B4GALT4: variants seen among roughly 807,000 people sequenced by gnomAD.
B4GALT4 encodes N-acetyllactosamine synthase.
In B4GALT4, 27 loss-of-function variants were observed where a neutral mutation model predicts 37.3. That is an observed-to-expected ratio of 0.72 (90% CI 0.53 to 1.00). B4GALT4 has a LOEUF of 1.00. Among genes scored for constraint, B4GALT4 ranks in the 50% least tolerant of loss-of-function variants. The pLI is 0.00. For synonymous variants in B4GALT4, 148 were observed against 154.1 expected (o/e 0.96, Z 0.29); for missense variants, 372 against 413.1 (o/e 0.90, Z 0.86).
At position 119,222,525 on chromosome 3, in the gene B4GALT4, T is replaced by G. The variant is rs76603032; in HGVS notation, c.674+1533A>C. 4.2e-3 allele frequency among the ~76,000 whole-genome samples: 638 copies of G among 152,196 alleles called. 6 individuals are homozygous for G. The highest frequency in any genetic ancestry group is 0.013 in the African/African-American group (553 of 41,512). On this transcript the variant is annotated intron_variant, in intron 5 of 7. Coordinates refer to ENST00000393765, the MANE Select transcript of B4GALT4 (RefSeq NM_003778.4). ...ATTCAAAATCAGCTGAACCAAGCTTTCTCCCATCCTTCCCCAGCTGTAACG... is the reference window on the plus strand; with the variant it reads ...ATTCAAAATCAGCTGAACCAAGCTTGCTCCCATCCTTCCCCAGCTGTAACG...
At chr3:119,224,429 G>A (rs1286277969) in intron 4 of B4GALT4, among the ~76,000 whole-genome samples, 184 bp from the exon 5 acceptor site, 4 of 152,094 alleles carry the variant, frequency 2.6e-5, no homozygotes, top group Admixed American at 1.3e-4. Context: ...TTTTTTCTTC[G>A]TGCTTCACAC....
intron 4 of B4GALT4, among the ~76,000 whole-genome samples, chr3:119,225,142 G>A (rs1002618622): frequency 1.3e-5 from 2 of 152,178 alleles, no homozygotes; most frequent in African/African-American, 4.8e-5. Flanking sequence ...TGCTACTGGT[G>A]GAGGCTAATC....
At chr3:119,233,336 G>C (rs1335835516) in intron 2 of B4GALT4, among the ~76,000 whole-genome samples, 4 of 152,172 alleles carry the variant, frequency 2.6e-5, no homozygotes, top group African/African-American at 9.7e-5. Flanking sequence ...GCTCAGTTTG[G>C]TTAAGAATCT....
chr3:119,237,963 A>G (rs1377198857), intron 1 of B4GALT4, among the ~76,000 whole-genome samples: 3 of 152,240 alleles, frequency 2.0e-5, no homozygotes, highest in African/African-American at 4.8e-5. Context: ...AAAAAAAGAT[A>G]TAACAATGTA....
At chr3:119,227,104 C>G (rs532480541) in intron 3 of B4GALT4, 63 bp from the exon 4 acceptor site, 14 of 1,427,796 alleles carry the variant, frequency 9.8e-6, no homozygotes, top group African/African-American at 1.4e-5. Context: ...GAGGTTTACA[C>G]GAGCTAATAT....
chr3:119,228,499 G>A lies in B4GALT4; in HGVS notation c.253+1348C>T, dbSNP rs142853094. 2.7e-3 allele frequency among the ~76,000 whole-genome samples: 418 copies of A among 152,270 alleles called. 1 individual carries two copies. Among genetic ancestry groups the A allele is most frequent in the African/African-American group, 9.8e-3 (407 of 41,562 alleles). On this transcript the variant is annotated intron_variant, in intron 3 of 7. Transcript: ENST00000393765. ...TGAATTTACTGTTTAAATATACTGT[G>A]AGCATTTTAAGCAAGGGGAATAATC...
At chr3:119,228,868 C>G (rs1247718414) in intron 3 of B4GALT4, among the ~76,000 whole-genome samples, 2 of 147,330 alleles carry the variant, frequency 1.4e-5, no homozygotes, top group African/African-American at 5.1e-5. Context: ...CTCTGTCTTT[C>G]TCTCTCCCTC....
Position 119,212,455 on chromosome 3 carries a change from A to T in B4GALT4, c.*94T>A. ...ATTCAGCTCAACAATGAGCTGTAAC[A>T]GGTTCTTAATGTGTGCTACTATTTG... On this transcript the variant is annotated 3_prime_UTR_variant, in exon 8 of 8. Transcript: ENST00000393765. 1 of 1,278,682 alleles carries T rather than the reference A, an allele frequency of 7.8e-7. No homozygotes were observed. The highest frequency in any genetic ancestry group is 1.1e-6 in the Non-Finnish European group (1 of 922,510). The allele number at this position is 1,278,682 out of a possible 1,614,324, so 79.2% of individuals were successfully genotyped here.
chr3:119,222,615 G>A (rs2078483266), intron 5 of B4GALT4, among the ~76,000 whole-genome samples: 1 of 152,318 alleles, frequency 6.6e-6, no homozygotes, highest in Non-Finnish European at 1.5e-5. Context: ...AAGAAGGCCT[G>A]CGTAATCTGG....
intron 2 of B4GALT4, chr3:119,236,016 G>C (rs895248830): frequency 3.3e-5 from 5 of 152,138 alleles, no homozygotes; most frequent in African/African-American, 1.2e-4. Context: ...TTGCAGACAA[G>C]GTTCACCAGT....
chr3:119,221,733 ATTCTT>A (rs1282162850), intron 5 of B4GALT4, among the ~76,000 whole-genome samples: 1 of 152,220 alleles, frequency 6.6e-6, no homozygotes, highest in Non-Finnish European at 1.5e-5. Flanking sequence ...TGCAAATAAG[ATTCTT>A]TTCAATTTCT....
intron 1 of B4GALT4, among the ~76,000 whole-genome samples, chr3:119,237,674 A>G (rs893037901): frequency 1.3e-5 from 2 of 152,244 alleles, no homozygotes; most frequent in Non-Finnish European, 2.9e-5. Flanking sequence ...CCCTCTGGTA[A>G]GGAAAAGCAG....
At chr3:119,223,045 T>C (rs4370022) in intron 5 of B4GALT4, among the ~76,000 whole-genome samples, 9,591 of 152,192 alleles carry the variant, frequency 0.063, 446 homozygotes, top group African/African-American at 0.13. Context: ...TCACGTAGAG[T>C]ACATACTGGT....
chr3:119,220,725 G>A (rs1340828023), intron 5 of B4GALT4, among the ~76,000 whole-genome samples: 1 of 152,294 alleles, frequency 6.6e-6, no homozygotes, highest in Admixed American at 6.5e-5. Flanking sequence ...GTCTCTCCAC[G>A]CCTGTAATCC....
intron 2 of B4GALT4, among the ~76,000 whole-genome samples, chr3:119,236,414 A>G (rs549804546): frequency 6.6e-6 from 1 of 152,190 alleles, no homozygotes; most frequent in Non-Finnish European, 1.5e-5. Flanking sequence ...TAAGGGGTTA[A>G]TATTAGGGGA....
chr3:119,214,946 C>T (rs1208679873), intron 7 of B4GALT4: 1 of 152,168 alleles, frequency 6.6e-6, no homozygotes, highest in Non-Finnish European at 1.5e-5. Flanking sequence ...ATGACACAAC[C>T]AGACATTACA....
Position 119,212,054 on chromosome 3 carries a change from T to C in B4GALT4, c.*495A>G, listed in dbSNP as rs1576879192. ...GATTCGTCGCCTTTTCTCCCCTCTTTTGTGGACGCCTTCTCACCTGACACC... is the reference window on the plus strand; with the variant it reads ...GATTCGTCGCCTTTTCTCCCCTCTTCTGTGGACGCCTTCTCACCTGACACC... On this transcript the variant is annotated 3_prime_UTR_variant, in exon 8 of 8. Transcript: ENST00000393765. The C allele has an allele frequency of 1.5e-6, 1 of 676,288 alleles. No homozygotes were observed. The highest frequency in any genetic ancestry group is 2.7e-5 in the East Asian group (1 of 36,864). The allele number at this position is 676,288 out of a possible 1,614,324, so 41.9% of individuals were successfully genotyped here. A position where few individuals can be genotyped will look rare whatever the true frequency, so the allele number is the denominator to read the frequency against.
At chr3:119,235,243 A>T (rs2078950196) in intron 2 of B4GALT4, 1 of 152,268 alleles carries the variant, frequency 6.6e-6, no homozygotes, top group Non-Finnish European at 1.5e-5. Context: ...ACAAAAGGAA[A>T]GGAAACATAA....
At chr3:119,215,781 A>G (rs1042510050) in intron 7 of B4GALT4, 1 of 152,274 alleles carries the variant, frequency 6.6e-6, no homozygotes, top group Non-Finnish European at 1.5e-5. Flanking sequence ...AGATCATTCA[A>G]ATGCAATGTG....
Sources: gnomAD v4.1 joint callset for allele counts (sites outside exome capture counted in the v4.1 genomes callset) on GRCh38, gnomAD v4.1.1 for gene constraint, MANE v1.5 for transcripts, NCBI Gene and HGNC (gene_info 2026-07-23, HGNC 2026-07-21) for gene names.